DNMT3A: variants seen among roughly 807,000 people sequenced by gnomAD.
DNMT3A encodes DNA methyltransferase 3 alpha.
DNMT3A carries 267 observed loss-of-function variants against 117.6 expected under a neutral mutation model. The observed-to-expected ratio is 2.27, with a 90% CI of 2.05 to 2.51. The LOEUF (loss-of-function observed/expected upper bound fraction) is 2.51, where lower values mean the gene tolerates loss of function less well. Among genes scored for constraint, DNMT3A ranks in the 30% most tolerant of loss-of-function variants. DNMT3A has a pLI of 0.00. For synonymous variants in DNMT3A, 432 were observed against 474.8 expected, an observed-to-expected ratio of 0.91 and a Z score of 1.17; for missense variants, 1,029 against 1,260.2, an observed-to-expected ratio of 0.82 and a Z score of 2.78.
chr2:25,245,141 C>G, intron 13 of DNMT3A, 112 bp downstream of exon 13: 1 of 986,876 alleles, frequency 1.0e-6, no homozygotes, highest in Non-Finnish European at 1.5e-6. Context: ...AAGTCTACAT[C>G]ACACGCACAC....
intron 13 of DNMT3A, 50 bp downstream of exon 13, chr2:25,245,203 G>C: frequency 6.3e-7 from 1 of 1,575,054 alleles, no homozygotes; most frequent in South Asian, 1.1e-5. Context: ...CAGCCAGAAG[G>C]CCGAAGGGCC....
At chr2:25,278,001 TCACACACACA>T (rs71397475) in intron 4 of DNMT3A, among the ~76,000 whole-genome samples, 10 of 90,500 alleles carry the variant, frequency 1.1e-4, no homozygotes, top group Non-Finnish European at 2.4e-4. Context: ...ACTTGAGTGA[TCACACACACA>T]CACACACACA....
chr2:25,308,814 C>T (rs924579509), intron 2 of DNMT3A, among the ~76,000 whole-genome samples: 1 of 152,148 alleles, frequency 6.6e-6, no homozygotes, highest in African/African-American at 2.4e-5. Context: ...GCCACTGGAA[C>T]TGGCAGGGAC....
At position 25,254,796 on chromosome 2, in the gene DNMT3A, C is replaced by A. The variant is rs916574192; in HGVS notation, c.640-6544G>T. On this transcript the variant is annotated intron_variant, in intron 6 of 22. Coordinates refer to ENST00000321117, the MANE Select transcript of DNMT3A (RefSeq NM_022552.5). This position sits in a 1 kb window ranked among gnomAD's most constrained non-coding sequence, Gnocchi z 4.7. ...TGTCTCATGTACGATACCCGCTCTTCCATTATAATGCGGCTAAACACCTTA... is the reference window on the plus strand; with the variant it reads ...TGTCTCATGTACGATACCCGCTCTTACATTATAATGCGGCTAAACACCTTA... 6.6e-6 allele frequency among the ~76,000 whole-genome samples: 1 copy of A among 152,208 alleles called. No homozygotes were observed. The highest frequency in any genetic ancestry group is 1.5e-5 in the Non-Finnish European group (1 of 68,056).
rs1321148423 is a variant in DNMT3A, at chr2:25,247,779, A to C, written c.856-30T>G. 6.2e-7 allele frequency: 1 copy of C among 1,606,238 alleles called. No individual in the cohort carries two copies. The highest frequency in any genetic ancestry group is 8.5e-7 in the Non-Finnish European group (1 of 1,178,412). On this transcript the variant is annotated intron_variant, in intron 7 of 22. Transcript: ENST00000321117. The surrounding 1 kb of genome is among the most constrained non-coding windows in gnomAD (Gnocchi z 5.6). The stretch of plus-strand genomic sequence containing the variant: ...AGCCCCAAGGAGCAGAAATCATTAC[A>C]CAGTGGTCACGAGGCCCTGCCACCC...
intron 4 of DNMT3A, among the ~76,000 whole-genome samples, chr2:25,279,653 C>G (rs1474088040): frequency 6.6e-6 from 1 of 152,078 alleles, no homozygotes; most frequent in Non-Finnish European, 1.5e-5. Context: ...TAGCTGGGAC[C>G]ACACAGGAGT....
intron 2 of DNMT3A, among the ~76,000 whole-genome samples, chr2:25,309,928 C>T (rs1044308681): frequency 5.9e-5 from 9 of 151,698 alleles, no homozygotes; most frequent in Non-Finnish European, 8.8e-5. Context: ...GCATGGCGGG[C>T]GCCTGTAGTC....
rs992163662 is a variant in DNMT3A, at chr2:25,255,061, A to G, written c.640-6809T>C. On this transcript the variant is annotated intron_variant, in intron 6 of 22. Coordinates refer to ENST00000321117, the MANE Select transcript of DNMT3A (RefSeq NM_022552.5). ...AGCCTAGGCTCAAAGGTGTCCCCTT[A>G]ACAACCCAGAGCATCTTTCTTCCCT... Among the ~76,000 whole-genome samples the G allele has an allele frequency of 3.3e-5, 5 of 152,240 alleles. No individual in the cohort carries two copies. The South Asian group carries it at 1.0e-3, about 32-fold the overall frequency.
At chr2:25,317,049 T>C (rs576990908) in intron 1 of DNMT3A, among the ~76,000 whole-genome samples, 2 of 152,298 alleles carry the variant, frequency 1.3e-5, no homozygotes, top group East Asian at 3.9e-4. Context: ...CTCAATGCAA[T>C]AGAAACATTT....
chr2:25,236,753 G>A lies in DNMT3A; in HGVS notation c.2478+183C>T, dbSNP rs1673408455. Reference sequence around the variant, plus strand: ...CGACACTCACCAGGGAGGAAGGGCTGAAGGCCAGCAGCCCTGGGCCCTCCT... The same window carrying A: ...CGACACTCACCAGGGAGGAAGGGCTAAAGGCCAGCAGCCCTGGGCCCTCCT... On this transcript the variant is annotated intron_variant, in intron 21 of 22. Transcript: ENST00000321117. This position sits in a 1 kb window ranked among gnomAD's most constrained non-coding sequence, Gnocchi z 4.5. Among the ~76,000 whole-genome samples the A allele has an allele frequency of 6.6e-6, 1 of 152,238 alleles. No homozygotes were observed. The highest frequency in any genetic ancestry group is 2.4e-5 in the African/African-American group (1 of 41,480).
Position 25,311,524 on chromosome 2 carries a change from A to G in DNMT3A, c.72+2389T>C, listed in dbSNP as rs2034119214. Among the ~76,000 whole-genome samples, 1 of 152,202 alleles carries G rather than the reference A, an allele frequency of 6.6e-6. No homozygotes were observed. Among genetic ancestry groups the G allele is most frequent in the Non-Finnish European group, 1.5e-5 (1 of 68,036 alleles). ...GCTATGGCCCAGCCCTTATCTATCC[A>G]GATCACTGCCATCTTTTGGCATGAC... On this transcript the variant is annotated intron_variant, in intron 2 of 22. Transcript: ENST00000321117. The surrounding 1 kb of genome is among the most constrained non-coding windows in gnomAD (Gnocchi z 5.2).
rs576765613 is a variant in DNMT3A, at chr2:25,286,615, A to C, written c.178-3904T>G. ...ATCCTACCCATCAAGAACTCCCTCAAGCTAAGTGTGGCCCCTCAATGGGGC... is the reference window on the plus strand; with the variant it reads ...ATCCTACCCATCAAGAACTCCCTCACGCTAAGTGTGGCCCCTCAATGGGGC... On this transcript the variant is annotated intron_variant, in intron 3 of 22. Coordinates refer to ENST00000321117, the MANE Select transcript of DNMT3A (RefSeq NM_022552.5). This position sits in a 1 kb window ranked among gnomAD's most constrained non-coding sequence, Gnocchi z 4.3. Among the ~76,000 whole-genome samples the C allele has an allele frequency of 9.4e-4, 143 of 152,166 alleles. No homozygotes were observed. The highest frequency in any genetic ancestry group is 1.5e-3 in the Non-Finnish European group (103 of 68,030).
Position 25,306,842 on chromosome 2 carries a change from A to G in DNMT3A, c.73-6599T>C, listed in dbSNP as rs1207426635. Among the ~76,000 whole-genome samples, 1 of 152,226 alleles carries G rather than the reference A, an allele frequency of 6.6e-6. No homozygotes were observed. Among genetic ancestry groups the G allele is most frequent in the Non-Finnish European group, 1.5e-5 (1 of 68,036 alleles). On this transcript the variant is annotated intron_variant, in intron 2 of 22. Coordinates refer to ENST00000321117, the MANE Select transcript of DNMT3A (RefSeq NM_022552.5). The surrounding 1 kb of genome is among the most constrained non-coding windows in gnomAD (Gnocchi z 4.1). ...TTCAGAGGGAGACAACAACATGTAAACAAGTACCTGATGCCATGCTGAGCC... is the reference window on the plus strand; with the variant it reads ...TTCAGAGGGAGACAACAACATGTAAGCAAGTACCTGATGCCATGCTGAGCC...
intron 3 of DNMT3A, among the ~76,000 whole-genome samples, chr2:25,295,527 C>T (rs1205718881): frequency 6.6e-6 from 1 of 152,270 alleles, no homozygotes; most frequent in Non-Finnish European, 1.5e-5. Flanking sequence ...CTCTTCAGTT[C>T]CATTTTCTTT....
chr2:25,248,745 G>A (rs1320564957), intron 6 of DNMT3A, among the ~76,000 whole-genome samples: 5 of 151,858 alleles, frequency 3.3e-5, no homozygotes, highest in Non-Finnish European at 7.4e-5. Flanking sequence ...ATGGGGTTTC[G>A]CCATATTGAC....
At chr2:25,278,741 G>A (rs545538064) in intron 4 of DNMT3A, among the ~76,000 whole-genome samples, 67 of 152,166 alleles carry the variant, frequency 4.4e-4, no homozygotes, top group Non-Finnish European at 7.6e-4. Context: ...CAGGAGAATC[G>A]CTTCAACCTG....
chr2:25,238,140 T>C (rs899652527), intron 20 of DNMT3A, among the ~76,000 whole-genome samples: 1 of 152,146 alleles, frequency 6.6e-6, no homozygotes, highest in Non-Finnish European at 1.5e-5. Flanking sequence ...CGGGAGACAC[T>C]GAGTGGTTCC....
rs1451298862 is a variant in DNMT3A, at chr2:25,293,895, T to A, written c.177+6244A>T. Among the ~76,000 whole-genome samples, 1 of 152,226 alleles carries A rather than the reference T, an allele frequency of 6.6e-6. No homozygotes were observed. The highest frequency in any genetic ancestry group is 1.5e-5 in the Non-Finnish European group (1 of 68,034). On this transcript the variant is annotated intron_variant, in intron 3 of 22. Transcript: ENST00000321117. The surrounding 1 kb of genome is among the most constrained non-coding windows in gnomAD (Gnocchi z 4.7). Reference sequence around the variant, plus strand: ...CATGTTGGCCAGGCTGGTCTCGAATTCCTGGCCTCAAGTGATCCACCTGCC... The same window carrying A: ...CATGTTGGCCAGGCTGGTCTCGAATACCTGGCCTCAAGTGATCCACCTGCC...
intron 20 of DNMT3A, among the ~76,000 whole-genome samples, chr2:25,238,593 G>A (rs941337611): frequency 6.6e-6 from 1 of 152,148 alleles, no homozygotes; most frequent in Admixed American, 6.5e-5. Flanking sequence ...TTCATTCCTA[G>A]ATATTAAAAT....
Sources: gnomAD v4.1 joint callset for allele counts (sites outside exome capture counted in the v4.1 genomes callset) on GRCh38, gnomAD v4.1.1 for gene constraint, Gnocchi (gnomAD v3.1) non-coding constraint, MANE v1.5 for transcripts, NCBI Gene and HGNC (gene_info 2026-07-23, HGNC 2026-07-21) for gene names.